SPIDR: variants seen among roughly 807,000 people sequenced by gnomAD.
SPIDR encodes scaffold protein involved in DNA repair, also known as DNA repair-scaffolding protein.
In SPIDR, 93 loss-of-function variants were observed where a neutral mutation model predicts 104.6. That is an observed-to-expected ratio of 0.89 (90% CI 0.75 to 1.06). SPIDR has a LOEUF of 1.06. SPIDR is among the 50% of genes least tolerant of loss of function. The pLI is 0.00. For synonymous variants in SPIDR, 431 were observed against 416.9 expected (o/e 1.03, Z -0.41); for missense variants, 1,154 against 1,111.2 (o/e 1.04, Z -0.55).
chr8:47,619,539 G>C (rs2064833647), intron 10 of SPIDR, among the ~76,000 whole-genome samples: 1 of 151,966 alleles, frequency 6.6e-6, no homozygotes, highest in African/African-American at 2.4e-5. Context: ...CTTCCTCTCA[G>C]GGTCATGTAG....
At chr8:47,632,858 G>A (rs373328743) in intron 10 of SPIDR, among the ~76,000 whole-genome samples, 3 of 152,212 alleles carry the variant, frequency 2.0e-5, no homozygotes, top group Non-Finnish European at 4.4e-5. Context: ...TATCTCCAAG[G>A]GTGGGTGAGT....
chr8:47,728,778 G>A lies in SPIDR; in HGVS notation c.2436-155G>A. On this transcript the variant is annotated intron_variant, in intron 17 of 19. Transcript: ENST00000297423. ...TCATCCCTTGGACAGGCTGAGTCCAGGCAGCTGCAGGCCTCTCTCAGAAAC... is the reference window on the plus strand; with the variant it reads ...TCATCCCTTGGACAGGCTGAGTCCAAGCAGCTGCAGGCCTCTCTCAGAAAC... 2.6e-6 allele frequency: 2 copies of A among 771,406 alleles called. 1 individual carries two copies. The highest frequency in any genetic ancestry group is 4.0e-6 in the Non-Finnish European group (2 of 494,734). 47.8% of individuals were successfully genotyped at this position (771,406 alleles called of 1,614,324 possible).
rs2045644978 is a variant in SPIDR, at chr8:47,317,664, C to T, written c.525+23634C>T. ...ACTGCCTCCTCAAGTGGGTCCCTGA[C>T]CCCCCCGAGTAGCTTAACTGGGAGG... is the stretch of plus-strand genomic sequence containing the variant. On this transcript the variant is annotated intron_variant, in intron 5 of 19. Transcript: ENST00000297423. Among the ~76,000 whole-genome samples the T allele has an allele frequency of 2.6e-5, 4 of 152,018 alleles. No individual in the cohort carries two copies. The South Asian group carries it at 8.3e-4, about 32-fold the overall frequency.
At chr8:47,645,244 G>A (rs2070092052) in intron 10 of SPIDR, among the ~76,000 whole-genome samples, 1 of 152,234 alleles carries the variant, frequency 6.6e-6, no homozygotes, top group Non-Finnish European at 1.5e-5. Flanking sequence ...ACCTGGACCA[G>A]AGTGCTTATG....
intron 10 of SPIDR, among the ~76,000 whole-genome samples, chr8:47,607,527 T>G (rs1268892906): frequency 6.6e-6 from 1 of 152,048 alleles, no homozygotes; most frequent in African/African-American, 2.4e-5. Flanking sequence ...CCTTAGCCTT[T>G]GTGTGTGTTT....
chr8:47,539,196 TGATA>T (rs1312745582), intron 8 of SPIDR, among the ~76,000 whole-genome samples: 1 of 152,100 alleles, frequency 6.6e-6, no homozygotes, highest in Non-Finnish European at 1.5e-5. Context: ...CTGAGAGATG[TGATA>T]GATAAAGAGA....
intron 5 of SPIDR, among the ~76,000 whole-genome samples, chr8:47,303,467 A>T (rs781857378): frequency 9.9e-5 from 15 of 152,008 alleles, no homozygotes; most frequent in African/African-American, 3.4e-4. Flanking sequence ...CCCTCTGTCC[A>T]ACACTCCCCA....
intron 8 of SPIDR, among the ~76,000 whole-genome samples, chr8:47,447,776 A>T (rs1347897203): frequency 1.3e-5 from 2 of 152,218 alleles, no homozygotes; most frequent in Non-Finnish European, 2.9e-5. Context: ...CAGCCACTCC[A>T]GCCTTCACAC....
At chr8:47,344,871 C>CT (rs1232105081) in intron 5 of SPIDR, among the ~76,000 whole-genome samples, 8 of 152,114 alleles carry the variant, frequency 5.3e-5, no homozygotes, top group South Asian at 4.1e-4. Context: ...GATATTAGCC[C>CT]TTTTTCAGAT....
chr8:47,470,147 A>G (rs2075465703), intron 8 of SPIDR, among the ~76,000 whole-genome samples: 1 of 152,204 alleles, frequency 6.6e-6, no homozygotes, highest in African/African-American at 2.4e-5. Flanking sequence ...CCTGATTTCA[A>G]ATCTTAATAT....
chr8:47,586,980 G>A (rs916848020), intron 8 of SPIDR, among the ~76,000 whole-genome samples: 4 of 152,158 alleles, frequency 2.6e-5, no homozygotes, highest in Non-Finnish European at 5.9e-5. Flanking sequence ...ATGTTGGCAA[G>A]GCTGGTCTCG....
chr8:47,391,828 C>A (rs2060613288), intron 5 of SPIDR, among the ~76,000 whole-genome samples: 1 of 151,978 alleles, frequency 6.6e-6, no homozygotes, highest in South Asian at 2.1e-4. Flanking sequence ...AACCCCGTCT[C>A]TACTAAAAAT....
chr8:47,308,418 G>C (rs1554582813), intron 5 of SPIDR, among the ~76,000 whole-genome samples: 1 of 140,092 alleles, frequency 7.1e-6, no homozygotes, highest in Non-Finnish European at 1.5e-5. Context: ...TTTATTGTTT[G>C]AGGCTTGTCT....
chr8:47,485,011 G>C (rs1196577810), intron 8 of SPIDR, among the ~76,000 whole-genome samples: 1 of 152,198 alleles, frequency 6.6e-6, no homozygotes, highest in South Asian at 2.1e-4. Flanking sequence ...CAGGACAGTG[G>C]GTGCAGCCCA....
chr8:47,717,037 A>G (rs1257230945), intron 16 of SPIDR, among the ~76,000 whole-genome samples: 10 of 152,130 alleles, frequency 6.6e-5, no homozygotes, highest in Non-Finnish European at 2.9e-5. Flanking sequence ...GGCCCACGTG[A>G]GCCAGCGTGG....
At chr8:47,729,311 T>TC (rs2084821607) in intron 18 of SPIDR, 101 bp from the exon 19 acceptor site, 1 of 1,487,464 alleles carries the variant, frequency 6.7e-7, no homozygotes. Flanking sequence ...TGAAGACAGG[T>TC]GGTTTGGATA....
intron 8 of SPIDR, among the ~76,000 whole-genome samples, chr8:47,505,053 C>T (rs998097684): frequency 6.6e-6 from 1 of 152,172 alleles, no homozygotes; most frequent in African/African-American, 2.4e-5. Flanking sequence ...CTGAAGGGTG[C>T]CTCCCAGTTA....
At chr8:47,579,236 A>T (rs2154410505) in intron 8 of SPIDR, among the ~76,000 whole-genome samples, 1 of 152,332 alleles carries the variant, frequency 6.6e-6, no homozygotes, top group South Asian at 2.1e-4. Context: ...TCACAAACAG[A>T]GGTGGTGTCA....
At chr8:47,454,887 A>AAAT (rs1287144311) in intron 8 of SPIDR, among the ~76,000 whole-genome samples, 3 of 152,036 alleles carry the variant, frequency 2.0e-5, no homozygotes, top group African/African-American at 7.2e-5. Context: ...TCTCAAAAAA[A>AAAT]AATAATAATA....
Sources: gnomAD v4.1 joint callset for allele counts (sites outside exome capture counted in the v4.1 genomes callset) on GRCh38, gnomAD v4.1.1 for gene constraint, MANE v1.5 for transcripts, NCBI Gene and HGNC (gene_info 2026-07-23, HGNC 2026-07-21) for gene names.